CTNNA3: variants seen among roughly 807,000 people sequenced by gnomAD.
The protein encoded by CTNNA3 is catenin alpha 3, also known as catenin alpha-3.
A neutral mutation model predicts 95.7 loss-of-function variants in CTNNA3; 76 were observed. The ratio of observed to expected loss-of-function variants is 0.79; its 90% CI spans 0.66 to 0.96. CTNNA3 has a LOEUF of 0.96. Among genes scored for constraint, CTNNA3 ranks in the 40% least tolerant of loss-of-function variants. The pLI, the probability that CTNNA3 is intolerant of heterozygous loss-of-function variation, is 0.00. For synonymous variants in CTNNA3, 431 were observed against 374.4 expected (o/e 1.15, Z -1.74); for missense variants, 1,191 against 1,089.8 (o/e 1.09, Z -1.31).
intron 7 of CTNNA3, among the ~76,000 whole-genome samples, chr10:66,797,591 G>A (rs547048261): frequency 3.5e-4 from 53 of 151,896 alleles, no homozygotes; most frequent in African/African-American, 1.1e-3. Flanking sequence ...TTATGACTTC[G>A]AATTTGGTGC....
In CTNNA3 at chr10:65,914,966, T is replaced by C. The variant is rs938181041; in HGVS notation, c.*5364A>G. On this transcript the variant is annotated 3_prime_UTR_variant, in exon 18 of 18. Coordinates refer to ENST00000433211, the MANE Select transcript of CTNNA3 (RefSeq NM_013266.4). ...TCCCATTTAACCCTCAGCTTCCTTGTCTGTGGAATGATATATATCCTATAG... is the reference window on the plus strand; with the variant it reads ...TCCCATTTAACCCTCAGCTTCCTTGCCTGTGGAATGATATATATCCTATAG... The C allele has an allele frequency of 2.0e-5, 3 of 152,142 alleles. No homozygotes were observed. Among genetic ancestry groups the C allele is most frequent in the South Asian group, 2.1e-4 (1 of 4,828 alleles). 9.4% of individuals were successfully genotyped at this position (152,142 alleles called of 1,614,324 possible). A position where few individuals can be genotyped will look rare whatever the true frequency, so the allele number is the denominator to read the frequency against.
chr10:66,341,549 G>A (rs1026485922), intron 12 of CTNNA3, among the ~76,000 whole-genome samples: 1 of 151,932 alleles, frequency 6.6e-6, no homozygotes, highest in Non-Finnish European at 1.5e-5. Flanking sequence ...CTCATCAGTA[G>A]TTATTATTAA....
At chr10:66,546,150 T>C (rs1842028936) in intron 10 of CTNNA3, among the ~76,000 whole-genome samples, 1 of 152,066 alleles carries the variant, frequency 6.6e-6, no homozygotes, top group South Asian at 2.1e-4. Flanking sequence ...TTATTTCCTA[T>C]TAAAACTTTT....
rs994319529 is a variant in CTNNA3, at chr10:65,913,626, C to A, written c.*6704G>T. 1 of 152,036 alleles carries A rather than the reference C, an allele frequency of 6.6e-6. No individual in the cohort carries two copies. Among genetic ancestry groups the A allele is most frequent in the African/African-American group, 2.4e-5 (1 of 41,376 alleles). The allele number at this position is 152,036 out of a possible 1,614,324, so 9.4% of individuals were successfully genotyped here. A position where few individuals can be genotyped will look rare whatever the true frequency, so the allele number is the denominator to read the frequency against. On this transcript the variant is annotated 3_prime_UTR_variant, in exon 18 of 18. Transcript: ENST00000433211. ...AGCATTATAATGGTATAAGATTTGG[C>A]AAGCAATGGAACATGATTTTTATAG...
intron 5 of CTNNA3, among the ~76,000 whole-genome samples, chr10:67,451,832 T>A (rs551552421): frequency 7.2e-5 from 11 of 152,188 alleles, no homozygotes; most frequent in Non-Finnish European, 1.5e-4. Context: ...TTACTTCATA[T>A]TTTACCATTT....
At chr10:66,205,224 C>T (rs1011438856) in intron 13 of CTNNA3, among the ~76,000 whole-genome samples, 1 of 151,836 alleles carries the variant, frequency 6.6e-6, no homozygotes, top group Admixed American at 6.6e-5. Flanking sequence ...TTAAATTCTT[C>T]CATAGTTCTT....
chr10:66,007,287 C>T (rs184917877), intron 15 of CTNNA3, among the ~76,000 whole-genome samples: 7 of 152,150 alleles, frequency 4.6e-5, no homozygotes, highest in East Asian at 1.9e-4. Flanking sequence ...TTAGTTCAGA[C>T]GTATACATTA....
chr10:67,525,838 C>G (rs1840123383), intron 4 of CTNNA3, among the ~76,000 whole-genome samples: 1 of 152,194 alleles, frequency 6.6e-6, no homozygotes, highest in Non-Finnish European at 1.5e-5. Flanking sequence ...AGAGCCAGCT[C>G]CACAGTCATC....
chr10:66,993,834 T>G (rs1452674549), intron 7 of CTNNA3, among the ~76,000 whole-genome samples: 1 of 152,198 alleles, frequency 6.6e-6, no homozygotes, highest in Non-Finnish European at 1.5e-5. Context: ...GGTCTTCTTT[T>G]ATGTCCTTCG....
intron 7 of CTNNA3, among the ~76,000 whole-genome samples, chr10:66,848,220 A>T (rs147629092): frequency 6.6e-5 from 10 of 152,320 alleles, no homozygotes; most frequent in Admixed American, 6.5e-4. Context: ...ACAAAATGGA[A>T]ATCATATATA....
intron 9 of CTNNA3, among the ~76,000 whole-genome samples, chr10:66,657,262 A>G (rs1846102362): frequency 6.6e-6 from 1 of 152,136 alleles, no homozygotes; most frequent in Admixed American, 6.5e-5. Flanking sequence ...TTAGATAGCA[A>G]ATTTTAAGTT....
At chr10:67,447,258 T>A (rs999420563) in intron 5 of CTNNA3, among the ~76,000 whole-genome samples, 2 of 152,224 alleles carry the variant, frequency 1.3e-5, no homozygotes, top group African/African-American at 4.8e-5. Flanking sequence ...TGAGGACTAG[T>A]TATTGTTTAT....
At chr10:66,892,030 T>C (rs1434984966) in intron 7 of CTNNA3, among the ~76,000 whole-genome samples, 3 of 152,116 alleles carry the variant, frequency 2.0e-5, no homozygotes, top group Admixed American at 6.5e-5. Flanking sequence ...GTTTTGCCTA[T>C]TGTATAATAA....
intron 10 of CTNNA3, among the ~76,000 whole-genome samples, chr10:66,557,853 C>T (rs950879148): frequency 2.2e-4 from 34 of 152,142 alleles, no homozygotes; most frequent in African/African-American, 7.7e-4. Context: ...TTTTACATCA[C>T]TTTTTTCCTG....
chr10:66,590,624 A>G (rs10997252), intron 10 of CTNNA3, among the ~76,000 whole-genome samples: 43,140 of 151,974 alleles, frequency 0.28, 6,547 homozygotes, highest in Middle Eastern at 0.42. Context: ...CAGTGAGGGT[A>G]ATTTCATTTA....
intron 10 of CTNNA3, among the ~76,000 whole-genome samples, chr10:66,538,304 T>G (rs1321658324): frequency 6.6e-6 from 1 of 152,156 alleles, no homozygotes; most frequent in African/African-American, 2.4e-5. Context: ...TATTCTAGCA[T>G]TTTCAGGTGG....
chr10:67,442,180 T>A (rs2132935080), intron 5 of CTNNA3, among the ~76,000 whole-genome samples: 1 of 152,082 alleles, frequency 6.6e-6, no homozygotes. Flanking sequence ...TAAGATAGTA[T>A]TTGCAAACTT....
intron 1 of CTNNA3, among the ~76,000 whole-genome samples, chr10:67,726,470 A>ATG: frequency 3.6e-5 from 2 of 55,744 alleles, no homozygotes; most frequent in Non-Finnish European, 6.0e-5. Context: ...TATATGATAT[A>ATG]ATATTATATA....
chr10:66,097,372 A>T (rs2133718356), intron 14 of CTNNA3, among the ~76,000 whole-genome samples: 1 of 152,298 alleles, frequency 6.6e-6, no homozygotes, highest in Non-Finnish European at 1.5e-5. Context: ...TTCATTTTAT[A>T]AAAATCAAAA....
Sources: allele counts gnomAD v4.1 joint callset (sites outside exome capture counted in the v4.1 genomes callset), GRCh38; gene constraint gnomAD v4.1.1; transcripts MANE v1.5; gene names NCBI Gene and HGNC (gene_info 2026-07-23, HGNC 2026-07-21).